The following TEK variants were observed in gnomAD, a reference collection of about 807,000 sequenced individuals.
TEK encodes TEK receptor tyrosine kinase.
A neutral mutation model predicts 131.8 loss-of-function variants in TEK; 43 were observed. That is an observed-to-expected ratio of 0.33 (90% CI 0.26 to 0.42). The LOEUF is 0.42. Among genes scored for constraint, TEK ranks in the 10% least tolerant of loss-of-function variants. The probability of loss-of-function intolerance (pLI) is 1.00; values close to 1 mark genes in which losing one functional copy is unlikely to be tolerated. For missense variants in TEK, 1,162 were observed against 1,384.4 expected, an observed-to-expected ratio of 0.84 and a Z score of 2.55; for synonymous variants, 580 against 491.6, an observed-to-expected ratio of 1.18 and a Z score of -2.38.
intron 1 of TEK, among the ~76,000 whole-genome samples, chr9:27,146,043 A>C (rs1273716216): frequency 1.9e-4 from 29 of 152,140 alleles, no homozygotes; most frequent in Admixed American, 1.9e-3. Flanking sequence ...TATGACTTCT[A>C]AGCTTAGATG....
chr9:27,200,002 T>C (rs936427812), intron 12 of TEK, among the ~76,000 whole-genome samples: 6 of 152,204 alleles, frequency 3.9e-5, no homozygotes, highest in Admixed American at 3.9e-4. Context: ...TATTTAGGTC[T>C]TTAAGATATA....
chr9:27,228,395 GTTC>G (rs1402347045), intron 22 of TEK, 90 bp downstream of exon 22: 4 of 1,032,520 alleles, frequency 3.9e-6, no homozygotes, highest in East Asian at 5.1e-5. Context: ...AATTGAAGAA[GTTC>G]TTCTTGGCAT....
At position 27,109,544 on chromosome 9, in the gene TEK, G is replaced by A. The variant is rs997315379; in HGVS notation, c.-47G>A. 1.2e-6 allele frequency: 2 copies of A among 1,603,750 alleles called. No homozygotes were observed. Among genetic ancestry groups the A allele is most frequent in the Non-Finnish European group, 8.5e-7 (1 of 1,170,562 alleles). On this transcript the variant is annotated 5_prime_UTR_variant, in exon 1 of 23. Transcript: ENST00000380036. ...GCTGGGTTTTTGAAAGGATCCTTGG[G>A]ACCTCATGCACATTTGTGGAAACTG...
intron 1 of TEK, among the ~76,000 whole-genome samples, chr9:27,137,073 G>A (rs958887226): frequency 2.0e-5 from 3 of 152,138 alleles, no homozygotes; most frequent in East Asian, 1.9e-4. Flanking sequence ...CTGCTGCCAC[G>A]CCTGGCTAAT....
Position 27,180,363 on chromosome 9 carries a change from G to A in TEK, c.1025G>A (p.Arg342Lys), listed in dbSNP as rs373027386. ...GGATGGCAGGGGCTCCAGTGTGAGA[G>A]AGAAGGTAAAGCAAGGTAACACTGT... is the stretch of plus-strand genomic sequence containing the variant. ...SPGWQGLQCE[R>K]EGIQRMTPKI... is the part of the protein sequence containing the mutation. The change falls in exon 7 of 23, where the codon AGA (arginine) becomes AAA (lysine). Residue 342 changes from arginine (R) to lysine (K), a missense_variant. Transcript: ENST00000380036. 1.2e-6 allele frequency: 2 copies of A among 1,613,076 alleles called. No homozygotes were observed. The highest frequency in any genetic ancestry group is 1.7e-6 in the Non-Finnish European group (2 of 1,179,520).
At chr9:27,159,572 A>AT (rs1233595697) in intron 2 of TEK, among the ~76,000 whole-genome samples, 1 of 152,322 alleles carries the variant, frequency 6.6e-6, no homozygotes, top group East Asian at 1.9e-4. Context: ...GAGGATTTTG[A>AT]AAGCCTCCTC....
chr9:27,229,340 T>A lies in TEK; in HGVS notation c.*108T>A. On this transcript the variant is annotated 3_prime_UTR_variant, in exon 23 of 23. Coordinates refer to ENST00000380036, the MANE Select transcript of TEK (RefSeq NM_000459.5). ...AAAGGATGTGATATATAAGTGTACA[T>A]ATGTGCTGTACACCTGGGACCTTCA... 9.4e-7 allele frequency: 1 copy of A among 1,064,946 alleles called. No homozygotes were observed. The highest frequency in any genetic ancestry group is 1.5e-6 in the Non-Finnish European group (1 of 686,866). The allele number at this position is 1,064,946 out of a possible 1,614,324, so 66.0% of individuals were successfully genotyped here.
At chr9:27,209,301 G>T in intron 16 of TEK, 70 bp downstream of exon 16, 1 of 1,110,334 alleles carries the variant, frequency 9.0e-7, no homozygotes. Context: ...ATGGATATAA[G>T]GAAAGATAAT....
intron 12 of TEK, among the ~76,000 whole-genome samples, chr9:27,200,675 C>G (rs1160976082): frequency 1.3e-5 from 2 of 152,100 alleles, no homozygotes; most frequent in East Asian, 1.9e-4. Context: ...GGTTTCCAGC[C>G]TAGCAATTAC....
At chr9:27,139,042 A>T (rs879287269) in intron 1 of TEK, among the ~76,000 whole-genome samples, 15 of 151,672 alleles carry the variant, frequency 9.9e-5, no homozygotes, top group Non-Finnish European at 2.2e-4. Context: ...ATCCATGTCT[A>T]CTAAAAACAC....
intron 4 of TEK, among the ~76,000 whole-genome samples, chr9:27,171,294 T>G (rs944059189): frequency 1.3e-5 from 2 of 152,212 alleles, no homozygotes; most frequent in African/African-American, 4.8e-5. Context: ...ATGCCTGGGC[T>G]TCTCTGTCAT....
chr9:27,120,039 G>C (rs182623803), intron 1 of TEK, among the ~76,000 whole-genome samples: 1 of 152,310 alleles, frequency 6.6e-6, no homozygotes, highest in East Asian at 1.9e-4. Flanking sequence ...TGGAAAGGAT[G>C]TTCTAATCTT....
chr9:27,208,909 C>T (rs553429175), intron 15 of TEK, among the ~76,000 whole-genome samples: 24 of 152,322 alleles, frequency 1.6e-4, no homozygotes, highest in African/African-American at 5.1e-4. Flanking sequence ...TGCAAAACAT[C>T]TTACCATGCA....
chr9:27,197,707 G>C, intron 12 of TEK, 108 bp downstream of exon 12: 1 of 1,431,578 alleles, frequency 7.0e-7, no homozygotes, highest in South Asian at 1.2e-5. Flanking sequence ...AAGAAAGTTA[G>C]TTGTGAGAGA....
At chr9:27,146,090 A>G (rs747236569) in intron 1 of TEK, among the ~76,000 whole-genome samples, 1 of 152,138 alleles carries the variant, frequency 6.6e-6, no homozygotes, top group African/African-American at 2.4e-5. Flanking sequence ...TCTTCACTTT[A>G]TATTTCAAGG....
At chr9:27,139,629 C>T (rs1822645588) in intron 1 of TEK, among the ~76,000 whole-genome samples, 2 of 151,864 alleles carry the variant, frequency 1.3e-5, no homozygotes, top group Admixed American at 1.3e-4. Context: ...TGGCTGACAG[C>T]TTTATGATTT....
chr9:27,192,820 T>C (rs1291252469), intron 11 of TEK, among the ~76,000 whole-genome samples, 197 bp downstream of exon 11: 1 of 152,152 alleles, frequency 6.6e-6, no homozygotes, highest in Admixed American at 6.5e-5. Flanking sequence ...TTTATTTGGG[T>C]TGGACTCCTG....
Position 27,169,537 on chromosome 9 carries a change from C to T in TEK, c.536C>T (p.Pro179Leu). 5 of 1,614,158 alleles carry T rather than the reference C, an allele frequency of 3.1e-6. No individual in the cohort carries two copies. Among genetic ancestry groups the T allele is most frequent in the Non-Finnish European group, 4.2e-6 (5 of 1,180,008 alleles). Residue 179 changes from proline to leucine, a missense_variant, in exon 4 of 23, where the codon CCT becomes CTT. By Grantham distance (98) the Pro-to-Leu change is moderately conservative. Around this residue, in one of 6 missense-constraint regions of TEK, gnomAD observed 436 missense variants for 539.1 expected, o/e 0.81. Coordinates refer to ENST00000380036, the MANE Select transcript of TEK (RefSeq NM_000459.5). ...CCTGATATTCTAGAAGTACACCTGC[C>T]TCATGCTCAGCCCCAGGATGCTGGA... ...EVPDILEVHL[P>L]HAQPQDAGVY... is the part of the protein sequence containing the mutation.
At position 27,213,513 on chromosome 9, in the gene TEK, C is replaced by T. The variant is rs529477410; in HGVS notation, c.2907C>T (p.Asn969=). 30 of 1,614,062 alleles carry T rather than the reference C, an allele frequency of 1.9e-5. No individual in the cohort carries two copies. In the South Asian group the frequency reaches 2.9e-4, roughly 15 times the overall value. ...TCCACAGGGATCTGGCTGCCAGAAA[C>T]ATTTTAGTTGGTGAAAACTATGTGG... ...QFIHRDLAAR[N]ILVGENYVAK... is the part of the protein sequence containing the mutation. Residue 969 remains asparagine (N), a synonymous_variant, in exon 18 of 23, where the codon AAC becomes AAT. Coordinates refer to ENST00000380036, the MANE Select transcript of TEK (RefSeq NM_000459.5).
Sources: allele counts gnomAD v4.1 joint callset (sites outside exome capture counted in the v4.1 genomes callset), GRCh38; gene constraint gnomAD v4.1.1; regional missense constraint gnomAD v4.1.1; transcripts MANE v1.5; gene names NCBI Gene and HGNC (gene_info 2026-07-23, HGNC 2026-07-21).